Variants in SLC9A9 observed in about 807,000 individuals in gnomAD.
The protein encoded by SLC9A9 is sodium/hydrogen exchanger 9.
A neutral mutation model predicts 77.8 loss-of-function variants in SLC9A9; 62 were observed. That is an observed-to-expected ratio of 0.80 (90% CI 0.65 to 0.98). The LOEUF is 0.98. Among genes scored for constraint, SLC9A9 ranks in the 50% least tolerant of loss-of-function variants. SLC9A9 has a pLI of 0.00. For synonymous variants in SLC9A9, 320 were observed against 283.5 expected, an observed-to-expected ratio of 1.13 and a Z score of -1.29; for missense variants, 775 against 774.9, an observed-to-expected ratio of 1.00 and a Z score of 0.00.
At chr3:143,364,993 A>G (rs529460486) in intron 13 of SLC9A9, among the ~76,000 whole-genome samples, 2 of 152,356 alleles carry the variant, frequency 1.3e-5, no homozygotes, top group Admixed American at 6.5e-5. Flanking sequence ...TCATTGCAGC[A>G]CTATTTACAA....
chr3:143,585,769 A>G (rs963940678), intron 6 of SLC9A9, among the ~76,000 whole-genome samples: 1 of 152,208 alleles, frequency 6.6e-6, no homozygotes, highest in Admixed American at 6.5e-5. Context: ...ATCAAACCCA[A>G]GAGCCTTCAG....
At chr3:143,723,476 G>T (rs12629268) in intron 4 of SLC9A9, among the ~76,000 whole-genome samples, 42,266 of 151,822 alleles carry the variant, frequency 0.28, 6,642 homozygotes, top group East Asian at 0.62. Flanking sequence ...CGGGGAGTGG[G>T]GACACAAGAT....
At chr3:143,322,464 G>A (rs1437173645) in intron 14 of SLC9A9, among the ~76,000 whole-genome samples, 1 of 152,162 alleles carries the variant, frequency 6.6e-6, no homozygotes, top group African/African-American at 2.4e-5. Flanking sequence ...TGGACCTTCA[G>A]CTTACCAAGT....
At chr3:143,552,480 C>A in intron 8 of SLC9A9, 30 bp from the exon 9 acceptor site, 1 of 1,596,154 alleles carries the variant, frequency 6.3e-7, no homozygotes, top group Admixed American at 1.7e-5. Flanking sequence ...TCAGTCAAAA[C>A]CAATTTTTCT....
chr3:143,844,745 CTT>C (rs1270648839), intron 1 of SLC9A9, among the ~76,000 whole-genome samples: 1 of 145,950 alleles, frequency 6.9e-6, no homozygotes, highest in Non-Finnish European at 1.5e-5. Flanking sequence ...TTCTTTCTTT[CTT>C]TCTTTCTTTC....
At chr3:143,762,049 A>G (rs1333548942) in intron 4 of SLC9A9, among the ~76,000 whole-genome samples, 12 of 152,246 alleles carry the variant, frequency 7.9e-5, no homozygotes, top group African/African-American at 2.9e-4. Flanking sequence ...TAGGGACATG[A>G]ATGAAGCTGG....
chr3:143,660,559 C>T (rs956954023), intron 5 of SLC9A9, among the ~76,000 whole-genome samples: 1 of 152,172 alleles, frequency 6.6e-6, no homozygotes, highest in African/African-American at 2.4e-5. Context: ...ATTGAACCAA[C>T]CTGGACTTCT....
chr3:143,379,332 C>T (rs2033248186), intron 13 of SLC9A9, among the ~76,000 whole-genome samples: 1 of 152,190 alleles, frequency 6.6e-6, no homozygotes, highest in African/African-American at 2.4e-5. Context: ...AGGTTCTTGA[C>T]AGTTTGGGAA....
intron 10 of SLC9A9, 40 bp downstream of exon 10, chr3:143,495,295 T>C (rs1257408987): frequency 2.0e-6 from 3 of 1,487,658 alleles, no homozygotes; most frequent in South Asian, 1.1e-5. Flanking sequence ...TCATTCGTTA[T>C]CTTCTCTAAT....
At chr3:143,524,400 A>G (rs548516633) in intron 9 of SLC9A9, among the ~76,000 whole-genome samples, 3 of 152,298 alleles carry the variant, frequency 2.0e-5, no homozygotes, top group African/African-American at 7.2e-5. Flanking sequence ...TGGTCAGTGA[A>G]TATGGCCAGG....
At chr3:143,585,043 A>C (rs7613014) in intron 6 of SLC9A9, among the ~76,000 whole-genome samples, 3,488 of 152,196 alleles carry the variant, frequency 0.023, 120 homozygotes, top group African/African-American at 0.08. Context: ...GCCTGGTCTC[A>C]GTCTTTTTGC....
intron 6 of SLC9A9, among the ~76,000 whole-genome samples, chr3:143,605,144 T>A (rs563964005): frequency 1.3e-5 from 2 of 152,316 alleles, no homozygotes; most frequent in African/African-American, 4.8e-5. Context: ...ATAACAAATA[T>A]ACTTCCTTTG....
At chr3:143,580,993 C>A (rs1271978662) in intron 6 of SLC9A9, among the ~76,000 whole-genome samples, 1 of 152,168 alleles carries the variant, frequency 6.6e-6, no homozygotes, top group African/African-American at 2.4e-5. Flanking sequence ...TTATCAAACA[C>A]CTGATATATG....
chr3:143,395,052 C>T (rs1349347662), intron 12 of SLC9A9, among the ~76,000 whole-genome samples: 2 of 152,098 alleles, frequency 1.3e-5, no homozygotes, highest in Non-Finnish European at 2.9e-5. Flanking sequence ...CAATGCCATC[C>T]CCATCAAGCT....
chr3:143,838,817 A>G (rs888200236), intron 1 of SLC9A9, among the ~76,000 whole-genome samples: 2 of 152,244 alleles, frequency 1.3e-5, no homozygotes, highest in African/African-American at 4.8e-5. Context: ...AAATAGTCTG[A>G]ATAATAATTT....
At chr3:143,783,452 C>G (rs1163208297) in intron 4 of SLC9A9, among the ~76,000 whole-genome samples, 5 of 152,122 alleles carry the variant, frequency 3.3e-5, no homozygotes, top group Non-Finnish European at 5.9e-5. Context: ...GAGGCGTCTC[C>G]TGGCCCCCTA....
intron 6 of SLC9A9, among the ~76,000 whole-genome samples, chr3:143,640,053 A>C (rs1456750269): frequency 1.6e-5 from 2 of 125,018 alleles, no homozygotes; most frequent in African/African-American, 3.1e-5. Flanking sequence ...ATGGAGTCTC[A>C]CTCTGTCACC....
At chr3:143,302,196 C>A (rs943899053) in intron 14 of SLC9A9, among the ~76,000 whole-genome samples, 4 of 152,162 alleles carry the variant, frequency 2.6e-5, no homozygotes, top group Non-Finnish European at 5.9e-5. Context: ...AGCATTAAAG[C>A]TATGGTGGGT....
intron 12 of SLC9A9, among the ~76,000 whole-genome samples, chr3:143,461,363 C>A (rs563603749): frequency 6.6e-6 from 1 of 152,102 alleles, no homozygotes; most frequent in South Asian, 2.1e-4. Context: ...CCATGTATAC[C>A]ATGCTTTCAT....
Sources: gnomAD v4.1 joint callset for allele counts (sites outside exome capture counted in the v4.1 genomes callset) on GRCh38, gnomAD v4.1.1 for gene constraint, MANE v1.5 for transcripts, NCBI Gene and HGNC (gene_info 2026-07-23, HGNC 2026-07-21) for gene names.